Variants in INSL6 observed in about 807,000 individuals in gnomAD.
INSL6 encodes insulin-like peptide INSL6.
A neutral mutation model predicts 9.4 loss-of-function variants in INSL6; 16 were observed. The observed-to-expected ratio is 1.70, with a 90% CI of 1.15 to 2.59. The LOEUF is 2.59. INSL6 is among the 30% of genes most tolerant of loss of function. INSL6 has a pLI of 0.00. For synonymous variants in INSL6, 154 were observed against 96.9 expected (o/e 1.59, Z -3.46); for missense variants, 391 against 257.3 (o/e 1.52, Z -3.56).
the INSL6 span, chr9:5,111,074 G>C: frequency 8.2e-7 from 1 of 1,216,018 alleles, no homozygotes; most frequent in Non-Finnish European, 1.2e-6. Context: ...AACTGGCCCA[G>C]CTCAGGCTCC....
the INSL6 span, among the ~76,000 whole-genome samples, chr9:5,117,596 A>G: frequency 6.6e-6 from 1 of 152,198 alleles, no homozygotes; most frequent in Non-Finnish European, 1.5e-5. Flanking sequence ...CTCTTATCAA[A>G]GTTTATTTTG....
In INSL6 at chr9:5,185,410, T is replaced by A; in HGVS notation, c.193A>T (p.Ile65Phe). 2.5e-6 allele frequency: 4 copies of A among 1,614,162 alleles called. No homozygotes were observed. Among genetic ancestry groups the A allele is most frequent in the Non-Finnish European group, 3.4e-6 (4 of 1,180,040 alleles). ...TCGACCTTCTCCGAGGCCTGTGCAA[T>A]CAACCGTGAGAAAGGGGTTTCCTCC... is the stretch of plus-strand genomic sequence containing the variant. ...FEEETPFSRLIAQASEKVEAY... is the reference protein window; with the variant it reads ...FEEETPFSRLFAQASEKVEAY... Residue 65 changes from isoleucine to phenylalanine, a missense_variant, in exon 1 of 2, where the codon ATT becomes TTT. Transcript: ENST00000381641.
the INSL6 span, among the ~76,000 whole-genome samples, chr9:5,079,031 T>C: frequency 6.6e-6 from 1 of 152,234 alleles, no homozygotes; most frequent in Non-Finnish European, 1.5e-5. Context: ...TTGGATGTTC[T>C]AAATTTAGAT....
rs924740289 is a variant in INSL6, at chr9:5,157,653, T to C, written c.376+6526A>G. Among the ~76,000 whole-genome samples the C allele has an allele frequency of 9.9e-5, 15 of 152,212 alleles. No individual in the cohort carries two copies. The South Asian group carries it at 2.3e-3, about 23-fold the overall frequency. Reference sequence around the variant, plus strand: ...AATGTAGGGGAAAATCTTAAGAAATTTGTAATAAGCTAAAATTTAAGTGAA... The same window carrying C: ...AATGTAGGGGAAAATCTTAAGAAATCTGTAATAAGCTAAAATTTAAGTGAA... On this transcript the variant is annotated intron_variant, in intron 2 of 3. Transcript: ENST00000649639.
At chr9:5,069,236 A>G in the INSL6 span, 1 of 1,471,014 alleles carries the variant, frequency 6.8e-7, no homozygotes. Flanking sequence ...TTATTTTTAA[A>G]TTACTGGTCA....
At chr9:5,004,067 T>C in the INSL6 span, among the ~76,000 whole-genome samples, 1 of 152,198 alleles carries the variant, frequency 6.6e-6, no homozygotes, top group Non-Finnish European at 1.5e-5. Context: ...TTTTGTTATA[T>C]GTATACATTG....
intron 3 of INSL6, chr9:5,127,849 TAGAAG>T (rs1412573321): frequency 4.3e-6 from 1 of 232,426 alleles, no homozygotes; most frequent in Non-Finnish European, 8.5e-6. Context: ...ATTGCAGTCA[TAGAAG>T]AGATTTATTT....
chr9:5,067,560 T>C, the INSL6 span, among the ~76,000 whole-genome samples: 1,519 of 152,176 alleles, frequency 1.0e-2, 25 homozygotes, highest in African/African-American at 0.035. Context: ...GCCATCACTT[T>C]ACCTTTGTGT....
chr9:5,160,670 C>A (rs934817182), downstream of INSL6, among the ~76,000 whole-genome samples: 7 of 151,872 alleles, frequency 4.6e-5, no homozygotes, highest in Admixed American at 3.9e-4. Flanking sequence ...TTTTAGAAGT[C>A]AAACAAAACT....
At chr9:5,151,664 A>G (rs1824715450) in intron 2 of INSL6, among the ~76,000 whole-genome samples, 1 of 152,176 alleles carries the variant, frequency 6.6e-6, no homozygotes, top group South Asian at 2.1e-4. Context: ...AGATAAATAA[A>G]TAACCAATAG....
At chr9:5,068,990 C>G in the INSL6 span, 11 of 1,252,076 alleles carry the variant, frequency 8.8e-6, no homozygotes, top group Non-Finnish European at 1.2e-5. Context: ...TTGTGACTAT[C>G]CCTCCCTTTC....
At chr9:5,112,049 C>T in the INSL6 span, 3 of 408,276 alleles carry the variant, frequency 7.3e-6, no homozygotes, top group African/African-American at 4.2e-5. Flanking sequence ...CACCCAGCTA[C>T]GACGGGGGTC....
the INSL6 span, among the ~76,000 whole-genome samples, chr9:5,032,308 C>T: frequency 2.6e-5 from 4 of 152,256 alleles, no homozygotes; most frequent in African/African-American, 9.6e-5. Context: ...CCTCTGTAGA[C>T]TCCACCTCTG....
chr9:5,022,937 G>C, the INSL6 span, among the ~76,000 whole-genome samples: 1 of 152,192 alleles, frequency 6.6e-6, no homozygotes. Flanking sequence ...AAGAATGTAT[G>C]ATTACATCAA....
At chr9:5,174,170 T>C (rs1825247166) in intron 1 of INSL6, among the ~76,000 whole-genome samples, 1 of 152,160 alleles carries the variant, frequency 6.6e-6, no homozygotes, top group Non-Finnish European at 1.5e-5. Context: ...AGAAAACTTA[T>C]TTCTCCCACT....
At chr9:5,008,594 A>T in the INSL6 span, among the ~76,000 whole-genome samples, 1 of 152,228 alleles carries the variant, frequency 6.6e-6, no homozygotes, top group African/African-American at 2.4e-5. Flanking sequence ...TGTTTTCATC[A>T]GTGATTTTTA....
the INSL6 span, among the ~76,000 whole-genome samples, chr9:5,118,428 A>G: frequency 6.6e-6 from 1 of 152,246 alleles, no homozygotes; most frequent in Non-Finnish European, 1.5e-5. Context: ...TGTGACCAAC[A>G]AACTTGTAAC....
chr9:5,035,792 C>G, the INSL6 span, among the ~76,000 whole-genome samples: 3 of 152,176 alleles, frequency 2.0e-5, no homozygotes, highest in Admixed American at 6.5e-5. Context: ...TGGACAGAAA[C>G]TGGAAGCATT....
At chr9:5,080,515 GT>G in the INSL6 span, 1 of 1,571,548 alleles carries the variant, frequency 6.4e-7, no homozygotes, top group East Asian at 2.2e-5. Context: ...TTCTCAGTTT[GT>G]GGTTCTTTAA....
Sources: allele counts gnomAD v4.1 joint callset (sites outside exome capture counted in the v4.1 genomes callset), GRCh38; gene constraint gnomAD v4.1.1; transcripts MANE v1.5; gene names NCBI Gene and HGNC (gene_info 2026-07-23, HGNC 2026-07-21).